The following PIGG variants were observed in gnomAD, a reference collection of about 807,000 sequenced individuals.
The protein encoded by PIGG is phosphatidylinositol glycan anchor biosynthesis class G (EMM blood group).
Under a neutral mutation model 83.2 loss-of-function variants are expected in PIGG, and 70 were observed. The ratio of observed to expected loss-of-function variants is 0.84; its 90% CI spans 0.69 to 1.03. The LOEUF is 1.03. Ranked by LOEUF, PIGG falls within the 50% of genes least tolerant of loss-of-function variation. The probability of loss-of-function intolerance (pLI) is 0.00; values close to 1 mark genes in which losing one functional copy is unlikely to be tolerated. For missense variants in PIGG, 1,257 were observed against 1,233.6 expected, an observed-to-expected ratio of 1.02 and a Z score of -0.28; for synonymous variants, 532 against 519.5, an observed-to-expected ratio of 1.02 and a Z score of -0.33.
At chr4:500,085 G>A in intron 1 of PIGG, 1 of 328,366 alleles carries the variant, frequency 3.0e-6, no homozygotes, top group Non-Finnish European at 5.7e-6. Context: ...CTGCAGCTCT[G>A]CGTTTTAGGT....
chr4:505,999 TAGTG>T, intron 3 of PIGG, 72 bp downstream of exon 3: 2 of 990,836 alleles, frequency 2.0e-6, no homozygotes, highest in South Asian at 1.5e-5. Flanking sequence ...TCCCATTACT[TAGTG>T]AGAGATGATA....
At chr4:527,523 G>T (rs1258161104) in intron 10 of PIGG, 1 of 1,152,400 alleles carries the variant, frequency 8.7e-7, no homozygotes, top group Non-Finnish European at 1.1e-6. Context: ...AACCTTCAGG[G>T]TGTGTGATGG....
At chr4:523,104 C>G (rs1726501776) in intron 8 of PIGG, among the ~76,000 whole-genome samples, 1 of 152,140 alleles carries the variant, frequency 6.6e-6, no homozygotes, top group East Asian at 1.9e-4. Context: ...GGTCCAGGAG[C>G]CTTTGGGCAA....
intron 5 of PIGG, among the ~76,000 whole-genome samples, chr4:512,744 G>A (rs565572399): frequency 6.6e-6 from 1 of 152,140 alleles, no homozygotes; most frequent in South Asian, 2.1e-4. Context: ...GAACCCGGGA[G>A]GCAGAGGTTG....
chr4:522,291 G>C (rs1726204952), intron 8 of PIGG: 1 of 528,316 alleles, frequency 1.9e-6, no homozygotes, highest in Non-Finnish European at 3.4e-6. Context: ...TCCCAGCAGA[G>C]GTGTGGGAGC....
At chr4:534,778 A>T (rs1730005674) in intron 12 of PIGG, among the ~76,000 whole-genome samples, 1 of 151,846 alleles carries the variant, frequency 6.6e-6, no homozygotes, top group African/African-American at 2.4e-5. Flanking sequence ...AGCTTTGTGC[A>T]GATGTCCCCG....
chr4:523,293 C>T (rs1375926723), intron 8 of PIGG, among the ~76,000 whole-genome samples, 166 bp from the exon 9 acceptor site: 2 of 152,142 alleles, frequency 1.3e-5, no homozygotes, highest in Non-Finnish European at 2.9e-5. Flanking sequence ...AGGTTCCTGC[C>T]GTTGGAGCAG....
intron 12 of PIGG, chr4:537,437 G>T (rs1730940390): frequency 1.3e-5 from 2 of 152,276 alleles, no homozygotes; most frequent in Admixed American, 1.3e-4. Flanking sequence ...CCCATGCGCT[G>T]TCTGGGTAGG....
chr4:536,283 AG>A (rs1730592784), intron 12 of PIGG: 1 of 152,218 alleles, frequency 6.6e-6, no homozygotes, highest in African/African-American at 2.4e-5. Context: ...TTCCAAGGGG[AG>A]AATCGCTCCC....
At position 520,440 on chromosome 4, in the gene PIGG, G is replaced by A. The variant is rs756579794; in HGVS notation, c.1115-616G>A. Among the ~76,000 whole-genome samples, 200 of 152,206 alleles carry A rather than the reference G, an allele frequency of 1.3e-3. 4 individuals carry two copies. Among genetic ancestry groups the A allele is most frequent in the Non-Finnish European group, 4.3e-4 (29 of 68,022 alleles). Reference sequence around the variant, plus strand: ...CCATCCAGAGGCAGGGCATCCATGCGCCCAGCAGAGCTCACCCTTGTGAGC... The same window carrying A: ...CCATCCAGAGGCAGGGCATCCATGCACCCAGCAGAGCTCACCCTTGTGAGC... On this transcript the variant is annotated intron_variant, in intron 6 of 12. Coordinates refer to ENST00000453061, the MANE Select transcript of PIGG (RefSeq NM_001127178.3).
chr4:527,254 T>C lies in PIGG; in HGVS notation c.2261+24T>C, dbSNP rs756484776. The C allele has an allele frequency of 7.1e-6, 11 of 1,547,776 alleles. No individual in the cohort carries two copies. The East Asian group carries it at 2.3e-4, about 32-fold the overall frequency. The stretch of plus-strand genomic sequence containing the variant: ...AAGTAAGTGCGTGGCGGACACGGGG[T>C]GCATAGAGCCACTTTACTGTTTGAA... On this transcript the variant is annotated intron_variant, in intron 10 of 12. Coordinates refer to ENST00000453061, the MANE Select transcript of PIGG (RefSeq NM_001127178.3).
In PIGG at chr4:533,909, C is replaced by T. The variant is rs571763092; in HGVS notation, c.2663C>T (p.Ala888Val). 46 of 1,614,130 alleles carry T rather than the reference C, an allele frequency of 2.8e-5. No individual in the cohort carries two copies. The highest frequency in any genetic ancestry group is 6.6e-5 in the South Asian group (6 of 91,084). ...GAAATCCCAGCCGTGCTCCTGACAGCGTTTGGGACGTACGCAGGGCCTGTG... is the reference window on the plus strand; with the variant it reads ...GAAATCCCAGCCGTGCTCCTGACAGTGTTTGGGACGTACGCAGGGCCTGTG... ...YVEIPAVLLT[A>V]FGTYAGPVLW... is the part of the protein sequence containing the mutation. Residue 888 changes from alanine (A) to valine (V), a missense_variant, in exon 12 of 13, where the codon GCG (alanine) becomes GTG (valine). Physicochemically the swap from Ala to Val is moderately conservative, Grantham distance 64. Coordinates refer to ENST00000453061, the MANE Select transcript of PIGG (RefSeq NM_001127178.3).
chr4:528,663 T>C lies in PIGG; in HGVS notation c.2261+1433T>C. 1 of 984,420 alleles carries C rather than the reference T, an allele frequency of 1.0e-6. No homozygotes were observed. Among genetic ancestry groups the C allele is most frequent in the Non-Finnish European group, 1.2e-6 (1 of 829,036 alleles). The allele number at this position is 984,420 out of a possible 1,614,324, so 61.0% of individuals were successfully genotyped here. A position where few individuals can be genotyped will look rare whatever the true frequency, so the allele number is the denominator to read the frequency against. On this transcript the variant is annotated intron_variant, in intron 10 of 12. Coordinates refer to ENST00000453061, the MANE Select transcript of PIGG (RefSeq NM_001127178.3). This position sits in a 1 kb window ranked among gnomAD's most constrained non-coding sequence, Gnocchi z 4.8. ...GACTTAGGGCTCATCCAAATGGATG[T>C]TACATTTGCGGGTGTGTGTTTAAGG...
Position 507,535 on chromosome 4 carries a change from A to G in PIGG, c.701A>G (p.Gln234Arg). 1 of 1,614,276 alleles carries G rather than the reference A, an allele frequency of 6.2e-7. No individual in the cohort carries two copies. Reference protein sequence around the residue: ...ISGPNSPLIGQKLSEMDSVLM... With the variant: ...ISGPNSPLIGRKLSEMDSVLM... ...GGGCCCAACAGCCCCCTGATTGGGC[A>G]GAAGCTGAGCGAGATGGACAGCGTG... The change falls in exon 4 of 13, where the codon CAG becomes CGG. Residue 234 changes from glutamine to arginine, a missense_variant. By Grantham distance (43) the Gln-to-Arg change is conservative. Transcript: ENST00000453061.
chr4:505,816 A>T lies in PIGG; in HGVS notation c.459A>T (p.Ala153=). 1.2e-6 allele frequency: 2 copies of T among 1,613,608 alleles called. No individual in the cohort carries two copies. The highest frequency in any genetic ancestry group is 1.7e-6 in the Non-Finnish European group (2 of 1,179,790). The change falls in exon 3 of 13, where the codon GCA becomes GCT. Residue 153 remains alanine (A), a synonymous_variant. Transcript: ENST00000453061. The stretch of plus-strand genomic sequence containing the variant: ...ACAGTGTGATAAGACAAGCAAAAGC[A>T]GCTGGAAAAAGAATAGTCTTTTATG... ...LEDSVIRQAK[A]AGKRIVFYGD...
At chr4:534,182 G>C (rs577678934) in intron 12 of PIGG, among the ~76,000 whole-genome samples, 1 of 152,088 alleles carries the variant, frequency 6.6e-6, no homozygotes, top group African/African-American at 2.4e-5. Flanking sequence ...GGCCAGGGTC[G>C]GGTCTGACGG....
At position 530,502 on chromosome 4, in the gene PIGG, C is replaced by T; in HGVS notation, c.2328C>T (p.Asp776=). Residue 776 remains aspartate, a synonymous_variant, in exon 11 of 13, where the codon GAC becomes GAT. Coordinates refer to ENST00000453061, the MANE Select transcript of PIGG (RefSeq NM_001127178.3). ...GCATTCTGTTCACGGGCACCAAAGA[C>T]TTACTTAAATCTCAAGTCATTGCTG... The part of the protein sequence containing the change: ...VLGILFTGTK[D]LLKSQVIAAD... The T allele has an allele frequency of 6.2e-7, 1 of 1,613,656 alleles. No homozygotes were observed. The highest frequency in any genetic ancestry group is 8.5e-7 in the Non-Finnish European group (1 of 1,179,552).
rs753273626 is a variant in PIGG at position 521,255 on chromosome 4, G to A, written c.1314G>A (p.Gly438=). The A allele has an allele frequency of 1.9e-6, 3 of 1,613,170 alleles. No individual in the cohort carries two copies. The highest frequency in any genetic ancestry group is 1.7e-4 in the Middle Eastern group (1 of 6,032). Residue 438 remains glycine, a synonymous_variant, in exon 7 of 13, where the codon GGG becomes GGA. Coordinates refer to ENST00000453061, the MANE Select transcript of PIGG (RefSeq NM_001127178.3). ...AQYDIYSMMV[G]TVVVLEVLTL... ...ACGACATCTATTCGATGATGGTGGG[G>A]ACTGTCGTGGTTTTGGAGGTACAGA...
Position 521,895 on chromosome 4 carries a change from T to G in PIGG, c.1568T>G (p.Val523Gly). The change falls in exon 8 of 13, where the codon GTG becomes GGG. Residue 523 changes from valine (V) to glycine (G), a missense_variant. Transcript: ENST00000453061. ...VLASALLCVIVSVLTNVLVGG... is the reference protein window; with the variant it reads ...VLASALLCVIGSVLTNVLVGG... ...GCCTCGGCGCTGCTGTGTGTGATTG[T>G]GTCTGTTCTGACCAACGTGCTCGTG... 6.2e-7 allele frequency: 1 copy of G among 1,614,216 alleles called. No homozygotes were observed. Among genetic ancestry groups the G allele is most frequent in the Non-Finnish European group, 8.5e-7 (1 of 1,180,034 alleles).
Sources: gnomAD v4.1 joint callset for allele counts (sites outside exome capture counted in the v4.1 genomes callset) on GRCh38, gnomAD v4.1.1 for gene constraint, Gnocchi (gnomAD v3.1) non-coding constraint, MANE v1.5 for transcripts, NCBI Gene and HGNC (gene_info 2026-07-23, HGNC 2026-07-21) for gene names.